Variants in NEK5 observed in about 807,000 individuals in gnomAD.
NEK5 encodes NIMA related kinase 5.
Under a neutral mutation model 109.2 loss-of-function variants are expected in NEK5, and 88 were observed. The ratio of observed to expected loss-of-function variants is 0.81; its 90% CI spans 0.68 to 0.96. The LOEUF (loss-of-function observed/expected upper bound fraction) is 0.96, where lower values mean the gene tolerates loss of function less well. Ranked by LOEUF, NEK5 falls within the 40% of genes least tolerant of loss-of-function variation. NEK5 has a pLI of 0.00. For missense variants in NEK5, 834 were observed against 920.7 expected, an observed-to-expected ratio of 0.91 and a Z score of 1.22; for synonymous variants, 283 against 299.9, an observed-to-expected ratio of 0.94 and a Z score of 0.58.
At position 52,035,514 on chromosome 13, in the gene NEK5, A is replaced by C. The variant is rs993539370; in HGVS notation, c.*1434T>G. ...CCCAGACATACTCCTTAGTATTTAA[A>C]TAAACATCTGTTAAGCTCCAGGCCA... On this transcript the variant is annotated 3_prime_UTR_variant, in exon 24 of 24. Transcript: ENST00000684899. 1.3e-5 allele frequency: 2 copies of C among 152,184 alleles called. No homozygotes were observed. The highest frequency in any genetic ancestry group is 4.8e-5 in the African/African-American group (2 of 41,440). The allele number at this position is 152,184 out of a possible 1,614,324, so 9.4% of individuals were successfully genotyped here.
chr13:52,053,313 AAAAT>A (rs938528172), intron 22 of NEK5, among the ~76,000 whole-genome samples: 9 of 152,174 alleles, frequency 5.9e-5, no homozygotes, highest in African/African-American at 2.2e-4. Context: ...AATAAAATAA[AAAAT>A]AAAGTTGGAG....
At chr13:52,048,336 C>T (rs926534192) in intron 23 of NEK5, among the ~76,000 whole-genome samples, 42 of 152,120 alleles carry the variant, frequency 2.8e-4, no homozygotes, top group Admixed American at 2.6e-3. Flanking sequence ...TTCTGGGAGG[C>T]TGAGACGGGA....
At chr13:52,100,684 G>A (rs1955511343) in intron 11 of NEK5, among the ~76,000 whole-genome samples, 1 of 151,938 alleles carries the variant, frequency 6.6e-6, no homozygotes, top group Non-Finnish European at 1.5e-5. Context: ...GACCAGCCTG[G>A]GCAACACAGT....
chr13:52,071,880 G>A, intron 20 of NEK5, 64 bp downstream of exon 20: 2 of 1,454,912 alleles, frequency 1.4e-6, no homozygotes, highest in Non-Finnish European at 1.9e-6. Flanking sequence ...CATGGGGACA[G>A]AGTTCAAAAT....
At chr13:52,113,747 T>G (rs59995182) in intron 4 of NEK5, among the ~76,000 whole-genome samples, 4,070 of 152,226 alleles carry the variant, frequency 0.027, 192 homozygotes, top group African/African-American at 0.094. Flanking sequence ...AATGTATATG[T>G]TGAAATTTTA....
intron 22 of NEK5, among the ~76,000 whole-genome samples, chr13:52,053,099 A>G (rs7320429): frequency 0.56 from 84,551 of 151,982 alleles, 26,328 homozygotes; most frequent in Non-Finnish European, 0.7. Context: ...TCAGGAGTTC[A>G]AAACCAGCCT....
chr13:52,041,257 C>A (rs1001978414), intron 23 of NEK5, among the ~76,000 whole-genome samples: 1 of 151,864 alleles, frequency 6.6e-6, no homozygotes, highest in Non-Finnish European at 1.5e-5. Context: ...TGATAAGTCT[C>A]CTAAAGTAAG....
At chr13:52,090,981 G>A (rs371645576) in intron 13 of NEK5, among the ~76,000 whole-genome samples, 4 of 151,872 alleles carry the variant, frequency 2.6e-5, no homozygotes, top group South Asian at 4.2e-4. Context: ...AGCCAAGATC[G>A]CGTCACTGCA....
chr13:52,077,515 G>C (rs2137824693), intron 17 of NEK5, among the ~76,000 whole-genome samples: 1 of 152,212 alleles, frequency 6.6e-6, no homozygotes, highest in Middle Eastern at 3.4e-3. Flanking sequence ...AGATGAGTGT[G>C]GCCAACTCCC....
rs759699963 is a variant in NEK5, at chr13:52,083,322, A to G, written c.1510T>C (p.Leu504=). 1 of 1,612,690 alleles carries G rather than the reference A, an allele frequency of 6.2e-7. No individual in the cohort carries two copies. The highest frequency in any genetic ancestry group is 8.5e-7 in the Non-Finnish European group (1 of 1,178,840). The change falls in exon 17 of 24, where the codon TTG becomes CTG. Residue 504 remains leucine, a synonymous_variant. Coordinates refer to ENST00000684899, the MANE Select transcript of NEK5 (RefSeq NM_001365552.1). ...ENSKISHKTY[L]VKKSNLPVHQ... ...ACAGGCAGGTTACTCTTCTTCACCA[A>G]ATAGGTTTTATGACTTATTTTTGAG...
intron 14 of NEK5, among the ~76,000 whole-genome samples, chr13:52,088,595 T>C (rs943465753): frequency 2.6e-5 from 4 of 151,838 alleles, no homozygotes; most frequent in African/African-American, 7.3e-5. Context: ...TTTAACAAAA[T>C]AGAACCAAAG....
At position 52,101,943 on chromosome 13, in the gene NEK5, C is replaced by T. The variant is rs56380278; in HGVS notation, c.882G>A (p.Lys294=). Residue 294 remains lysine, a synonymous_variant, in exon 11 of 24, where the codon AAG becomes AAA. Transcript: ENST00000684899. ...CAAAGTCACACTTACTCTGGACCAC[C>T]TTCCCAGCATGTCGAGAAGCTGGCG... is the stretch of plus-strand genomic sequence containing the variant. The part of the protein sequence containing the change: ...AGAPASRHAG[K]VVQKCKIQKV... 3,556 of 1,613,768 alleles carry T rather than the reference C, an allele frequency of 2.2e-3. 75 individuals carry two copies. In the African/African-American group the frequency reaches 0.043, roughly 20 times the overall value.
chr13:52,045,634 C>G lies in NEK5; in HGVS notation c.2228+4470G>C, dbSNP rs557455619. ...CAAAAAATTAGCCGGGCGTGGTGGC[C>G]GGCGCCTGTAGTCCCAGCTACTCGG... On this transcript the variant is annotated intron_variant, in intron 23 of 23. Coordinates refer to ENST00000684899, the MANE Select transcript of NEK5 (RefSeq NM_001365552.1). Among the ~76,000 whole-genome samples, 39 of 148,684 alleles carry G rather than the reference C, an allele frequency of 2.6e-4. 1 individual carries two copies. In the East Asian group the frequency reaches 7.4e-3, roughly 28 times the overall value.
intron 23 of NEK5, among the ~76,000 whole-genome samples, chr13:52,042,410 A>C (rs1954422117): frequency 6.6e-6 from 1 of 150,530 alleles, no homozygotes; most frequent in Non-Finnish European, 1.5e-5. Flanking sequence ...TTTTTGTTTG[A>C]AAAAAGGTAA....
chr13:52,079,116 AAG>A (rs1954921930), intron 17 of NEK5, among the ~76,000 whole-genome samples: 1 of 152,228 alleles, frequency 6.6e-6, no homozygotes, highest in Admixed American at 6.5e-5. Context: ...CTAAGGGAGA[AAG>A]AGAAAAAAGC....
chr13:52,093,317 T>A lies in NEK5; in HGVS notation c.1027-82A>T. ...GCTCACACCTGTAACCCTAGCACTT[T>A]GGGAGGCTGAGGCGGGTGGATCACC... On this transcript the variant is annotated intron_variant, in intron 12 of 23. Coordinates refer to ENST00000684899, the MANE Select transcript of NEK5 (RefSeq NM_001365552.1). The A allele has an allele frequency of 4.9e-6, 5 of 1,028,698 alleles. No individual in the cohort carries two copies. In the South Asian group the frequency reaches 8.3e-5, roughly 17 times the overall value. The allele number at this position is 1,028,698 out of a possible 1,614,324, so 63.7% of individuals were successfully genotyped here.
intron 4 of NEK5, among the ~76,000 whole-genome samples, chr13:52,113,232 A>C (rs550964018): frequency 6.6e-6 from 1 of 152,350 alleles, no homozygotes; most frequent in Admixed American, 6.5e-5. Context: ...CTCCACATTA[A>C]AGAAAAGAGA....
chr13:52,127,431 C>G lies in NEK5; in HGVS notation c.52G>C (p.Ala18Pro). The G allele has an allele frequency of 6.2e-7, 1 of 1,613,374 alleles. No homozygotes were observed. The highest frequency in any genetic ancestry group is 8.5e-7 in the Non-Finnish European group (1 of 1,179,272). Reference sequence around the variant, plus strand: ...TCTGATTTCCCTTTAGCTAAGTATGCTTTCCCGAAGGCACCTTGCCCGATG... The same window carrying G: ...TCTGATTTCCCTTTAGCTAAGTATGGTTTCCCGAAGGCACCTTGCCCGATG... ...KAIGQGAFGK[A>P]YLAKGKSDSK... is the part of the protein sequence containing the mutation. The change falls in exon 3 of 24, where the codon GCA (alanine) becomes CCA (proline). Residue 18 changes from alanine to proline, a missense_variant. This residue lies in a region of NEK5 where 777 missense variants were observed against 824.7 expected (regional missense o/e 0.94). Coordinates refer to ENST00000684899, the MANE Select transcript of NEK5 (RefSeq NM_001365552.1).
chr13:52,060,076 A>C (rs1486412394), intron 22 of NEK5, among the ~76,000 whole-genome samples: 1 of 152,166 alleles, frequency 6.6e-6, no homozygotes, highest in Non-Finnish European at 1.5e-5. Context: ...GCTAAGCTAA[A>C]TTAAATGATA....
Sources: gnomAD v4.1 joint callset for allele counts (sites outside exome capture counted in the v4.1 genomes callset) on GRCh38, gnomAD v4.1.1 for gene constraint, gnomAD v4.1.1 regional missense constraint, MANE v1.5 for transcripts, NCBI Gene and HGNC (gene_info 2026-07-23, HGNC 2026-07-21) for gene names.